SNX29: variants seen among roughly 807,000 people sequenced by gnomAD.
SNX29 encodes sorting nexin 29.
In SNX29, 78 loss-of-function variants were observed where a neutral mutation model predicts 102.1. That is an observed-to-expected ratio of 0.76 (90% CI 0.64 to 0.92). The LOEUF (loss-of-function observed/expected upper bound fraction) is 0.92, where lower values mean the gene tolerates loss of function less well. SNX29 is among the 40% of genes least tolerant of loss of function. The pLI is 0.00. For synonymous variants in SNX29, 580 were observed against 414.5 expected, an observed-to-expected ratio of 1.40 and a Z score of -4.85; for missense variants, 1,280 against 1,061.7, an observed-to-expected ratio of 1.21 and a Z score of -2.86.
chr16:12,537,049 G>A (rs1045665565), intron 20 of SNX29, among the ~76,000 whole-genome samples: 3 of 152,310 alleles, frequency 2.0e-5, no homozygotes, highest in Non-Finnish European at 4.4e-5. Context: ...CACATTCACT[G>A]AGCATATTTA....
In SNX29 at chr16:12,569,533, C is replaced by A. The variant is rs558696728; in HGVS notation, c.*904C>A. 2.3e-4 allele frequency: 54 copies of A among 231,572 alleles called. No individual in the cohort carries two copies. The South Asian group carries it at 3.4e-3, about 15-fold the overall frequency. The allele number at this position is 231,572 out of a possible 1,614,324, so 14.3% of individuals were successfully genotyped here. On this transcript the variant is annotated 3_prime_UTR_variant, in exon 21 of 21. Transcript: ENST00000566228. ...CAGGCTCCATGACTATGAAGTTGGACCCAGTGTGGACACTTAACAGATCAT... is the reference window on the plus strand; with the variant it reads ...CAGGCTCCATGACTATGAAGTTGGAACCAGTGTGGACACTTAACAGATCAT...
rs1441062440 is a variant in SNX29, at chr16:12,572,011, C to T, written c.*3382C>T. 2.1e-5 allele frequency: 22 copies of T among 1,062,516 alleles called. No homozygotes were observed. The East Asian group carries it at 1.0e-3, about 49-fold the overall frequency. 65.8% of individuals were successfully genotyped at this position (1,062,516 alleles called of 1,614,324 possible). ...CCAGTCACCAGTTGCATCTAGGGAG[C>T]TGCTGGCTATAAAAGGGATCATCCA... On this transcript the variant is annotated 3_prime_UTR_variant, in exon 21 of 21. Transcript: ENST00000566228.
chr16:12,102,874 A>G (rs889966808), intron 11 of SNX29, among the ~76,000 whole-genome samples: 1 of 152,244 alleles, frequency 6.6e-6, no homozygotes, highest in African/African-American at 2.4e-5. Flanking sequence ...CTCTGGATAT[A>G]AAATCAATGT....
intron 19 of SNX29, among the ~76,000 whole-genome samples, chr16:12,509,387 G>A (rs556283974): frequency 5.3e-5 from 8 of 152,258 alleles, no homozygotes; most frequent in Non-Finnish European, 1.2e-4. Flanking sequence ...CACGGGGAGC[G>A]GATCCCAGGG....
At chr16:12,413,386 G>A (rs749806957) in intron 18 of SNX29, among the ~76,000 whole-genome samples, 1 of 151,910 alleles carries the variant, frequency 6.6e-6, no homozygotes, top group Non-Finnish European at 1.5e-5. Context: ...CAGAGGGTGG[G>A]GTACAGGGTG....
chr16:12,192,823 T>C (rs992067220), intron 13 of SNX29, among the ~76,000 whole-genome samples: 6 of 152,084 alleles, frequency 3.9e-5, no homozygotes, highest in African/African-American at 1.4e-4. Flanking sequence ...CTGCCTCAGC[T>C]CCCAAGTAGC....
At chr16:12,417,028 CCT>C (rs2084664085) in intron 18 of SNX29, among the ~76,000 whole-genome samples, 1 of 152,262 alleles carries the variant, frequency 6.6e-6, no homozygotes, top group African/African-American at 2.4e-5. Context: ...AGGCACTGCG[CCT>C]AGTGAGATAC....
chr16:12,440,154 C>G (rs2085734861), intron 18 of SNX29, among the ~76,000 whole-genome samples: 1 of 152,208 alleles, frequency 6.6e-6, no homozygotes, highest in Non-Finnish European at 1.5e-5. Context: ...GGAGTCAGCA[C>G]CTGTCACATC....
chr16:12,539,728 C>G (rs200166644), intron 20 of SNX29, among the ~76,000 whole-genome samples: 2 of 152,308 alleles, frequency 1.3e-5, no homozygotes, highest in South Asian at 2.1e-4. Context: ...TGTGGCTGTT[C>G]ACAAGGATGC....
chr16:12,324,555 G>C (rs964874971), intron 15 of SNX29, among the ~76,000 whole-genome samples: 3 of 152,194 alleles, frequency 2.0e-5, no homozygotes, highest in Non-Finnish European at 1.5e-5. Flanking sequence ...TTCTAGGCCT[G>C]AGCCACTGTG....
chr16:12,542,183 G>A (rs1355340030), intron 20 of SNX29, among the ~76,000 whole-genome samples: 1 of 152,180 alleles, frequency 6.6e-6, no homozygotes, highest in East Asian at 1.9e-4. Flanking sequence ...CCTGTGCTAA[G>A]CCTTTTCCAC....
At chr16:12,208,331 G>T (rs540678748) in intron 14 of SNX29, among the ~76,000 whole-genome samples, 4 of 152,218 alleles carry the variant, frequency 2.6e-5, no homozygotes, top group African/African-American at 9.6e-5. Context: ...CCCTGCTGGG[G>T]CACTCAGAGG....
intron 16 of SNX29, among the ~76,000 whole-genome samples, chr16:12,380,693 C>A (rs2083067109): frequency 1.5e-5 from 1 of 66,942 alleles, no homozygotes; most frequent in African/African-American, 4.1e-5. Context: ...ACCATCCACC[C>A]ATCCACCCAC....
chr16:12,503,946 C>T (rs562456408), intron 19 of SNX29, among the ~76,000 whole-genome samples: 2 of 152,276 alleles, frequency 1.3e-5, no homozygotes, highest in Non-Finnish European at 2.9e-5. Context: ...ATGCACAAGT[C>T]AGTGGCTCTT....
At position 12,340,964 on chromosome 16, in the gene SNX29, C is replaced by A. The variant is rs189948301; in HGVS notation, c.1783-15199C>A. Among the ~76,000 whole-genome samples, 8 of 152,308 alleles carry A rather than the reference C, an allele frequency of 5.3e-5. No individual in the cohort carries two copies. The South Asian group carries it at 1.7e-3, about 32-fold the overall frequency. ...TTACTTCACCATGAGGTTATGAGAA[C>A]TCATCCTACAGTCTCTTCTAAGCCC... On this transcript the variant is annotated intron_variant, in intron 15 of 20. Transcript: ENST00000566228.
chr16:12,568,643 G>A lies in SNX29; in HGVS notation c.*14G>A, dbSNP rs370216586. The stretch of plus-strand genomic sequence containing the variant: ...GGTGACCTCTGACCTCGACAAAACC[G>A]CAGCCACGGGCCCTGTGCGTGGCAC... On this transcript the variant is annotated 3_prime_UTR_variant, in exon 21 of 21. Transcript: ENST00000566228. 122 of 1,600,390 alleles carry A rather than the reference G, an allele frequency of 7.6e-5. No homozygotes were observed. The highest frequency in any genetic ancestry group is 6.4e-4 in the African/African-American group (48 of 75,020).
chr16:12,254,435 G>T (rs756679386), intron 14 of SNX29, among the ~76,000 whole-genome samples: 4 of 152,084 alleles, frequency 2.6e-5, no homozygotes, highest in Admixed American at 6.5e-5. Context: ...AGATCACTTG[G>T]GGTCAGGAGT....
In SNX29 at chr16:12,291,223, C is replaced by T. The variant is rs112882983; in HGVS notation, c.1782+13187C>T. 4.9e-3 allele frequency among the ~76,000 whole-genome samples: 749 copies of T among 152,144 alleles called. 5 individuals are homozygous for T. Among genetic ancestry groups the T allele is most frequent in the African/African-American group, 0.017 (723 of 41,492 alleles). On this transcript the variant is annotated intron_variant, in intron 15 of 20. Transcript: ENST00000566228. ...GTGCTGATAAAGACATGCCCAAGACCGGGAAGAAAAAGAGGCTTAATGGAC... is the reference window on the plus strand; with the variant it reads ...GTGCTGATAAAGACATGCCCAAGACTGGGAAGAAAAAGAGGCTTAATGGAC...
chr16:12,089,143 GAAAAGA>G (rs1567196699), intron 11 of SNX29, among the ~76,000 whole-genome samples: 2 of 125,138 alleles, frequency 1.6e-5, no homozygotes, highest in Admixed American at 8.2e-5. Flanking sequence ...GAGAGAGAGA[GAAAAGA>G]GAAAGAGAAA....
Sources: gnomAD v4.1 joint callset for allele counts (sites outside exome capture counted in the v4.1 genomes callset) on GRCh38, gnomAD v4.1.1 for gene constraint, MANE v1.5 for transcripts, NCBI Gene and HGNC (gene_info 2026-07-23, HGNC 2026-07-21) for gene names.